RPA3: variants seen among roughly 807,000 people sequenced by gnomAD.
RPA3 encodes replication protein A3, also known as replication protein A 14 kDa subunit.
Under a neutral mutation model 13.7 loss-of-function variants are expected in RPA3, and 24 were observed. The ratio of observed to expected loss-of-function variants is 1.75; its 90% confidence interval spans 1.27 to 2.46. RPA3 has a LOEUF of 2.46. Ranked by LOEUF, RPA3 falls within the 30% of genes most tolerant of loss-of-function variation. The pLI, the probability that RPA3 is intolerant of heterozygous loss-of-function variation, is 0.00. For synonymous variants in RPA3, 59 were observed against 51.2 expected (o/e 1.15, Z -0.65); for missense variants, 183 against 151.0 (o/e 1.21, Z -1.11).
intron 4 of RPA3, chr7:7,673,485 T>TC: frequency 1.4e-6 from 1 of 724,206 alleles, no homozygotes; most frequent in Non-Finnish European, 2.5e-6. Context: ...AATAATTAGA[T>TC]GAATTATGTT....
intron 6 of RPA3, chr7:7,638,370 A>G (rs1012204974): frequency 1.9e-5 from 3 of 153,878 alleles, no homozygotes; most frequent in African/African-American, 7.2e-5. Context: ...AGTTTTAAGT[A>G]TGTTAAACAT....
intron 4 of RPA3, among the ~76,000 whole-genome samples, chr7:7,670,097 TA>T (rs1293288476): frequency 6.6e-6 from 1 of 152,258 alleles, no homozygotes; most frequent in Non-Finnish European, 1.5e-5. Flanking sequence ...TTACTTGTTA[TA>T]AATTCCATAC....
intron 2 of RPA3, among the ~76,000 whole-genome samples, chr7:7,695,971 G>A (rs1459945682): frequency 9.1e-5 from 13 of 142,762 alleles, no homozygotes; most frequent in Non-Finnish European, 1.7e-4. Flanking sequence ...ACCCTACTGT[G>A]TATATCTCCG....
chr7:7,639,174 A>C, intron 5 of RPA3, 30 bp from the exon 6 acceptor site: 122 of 1,551,966 alleles, frequency 7.9e-5, no homozygotes, highest in Non-Finnish European at 9.8e-5. Flanking sequence ...TTAAAATCTC[A>C]CTAAAACAAC....
At chr7:7,703,224 A>G (rs1200915593) in intron 2 of RPA3, among the ~76,000 whole-genome samples, 1 of 152,134 alleles carries the variant, frequency 6.6e-6, no homozygotes, top group Non-Finnish European at 1.5e-5. Flanking sequence ...TTTTTTGCTG[A>G]GATTTTAAAA....
chr7:7,673,896 TTAAGAC>T (rs1174383479), intron 4 of RPA3, among the ~76,000 whole-genome samples: 7 of 152,228 alleles, frequency 4.6e-5, no homozygotes, highest in African/African-American at 1.7e-4. Flanking sequence ...TGTTTCCTGT[TTAAGAC>T]TATTTTCTAT....
At chr7:7,654,408 A>C (rs1785295032) in intron 4 of RPA3, among the ~76,000 whole-genome samples, 1 of 152,242 alleles carries the variant, frequency 6.6e-6, no homozygotes, top group Admixed American at 6.5e-5. Context: ...GGATATGGGA[A>C]GTGATTCTGT....
rs542840511 is a variant in RPA3 at position 7,640,679 on chromosome 7, G to A, written c.-261C>T. 6.3e-6 allele frequency: 3 copies of A among 472,650 alleles called. No individual in the cohort carries two copies. The highest frequency in any genetic ancestry group is 4.0e-5 in the African/African-American group (2 of 50,222). The allele number at this position is 472,650 out of a possible 1,614,324, so 29.3% of individuals were successfully genotyped here. On this transcript the variant is annotated 5_prime_UTR_variant, in exon 5 of 8. Transcript: ENST00000223129. ...GGAAGTTGACAGATACAGGGCGAGA[G>A]GCAGTGGAGGCGGGACTTGGATAGG...
intron 4 of RPA3, among the ~76,000 whole-genome samples, chr7:7,674,787 C>G (rs1779698617): frequency 6.6e-6 from 1 of 152,122 alleles, no homozygotes; most frequent in Non-Finnish European, 1.5e-5. Flanking sequence ...ACTTTTTTCA[C>G]ACTTCTTGAA....
chr7:7,671,413 G>A (rs1337796393), intron 4 of RPA3, among the ~76,000 whole-genome samples: 4 of 152,122 alleles, frequency 2.6e-5, no homozygotes, highest in African/African-American at 9.7e-5. Context: ...TTTACTGAGT[G>A]CCACATTAGT....
At position 7,640,703 on chromosome 7, in the gene RPA3, G is replaced by T; in HGVS notation, c.-285C>A. On this transcript the variant is annotated 5_prime_UTR_variant, in exon 5 of 8. Transcript: ENST00000223129. ...AGGCAGTGGAGGCGGGACTTGGATA[G>T]GGGCGGAACCTGAGACTACCTTTCT... 1 of 412,072 alleles carries T rather than the reference G, an allele frequency of 2.4e-6. No individual in the cohort carries two copies. Among genetic ancestry groups the T allele is most frequent in the Admixed American group, 4.3e-5 (1 of 23,526 alleles). The allele number at this position is 412,072 out of a possible 1,614,324, so 25.5% of individuals were successfully genotyped here. A position where few individuals can be genotyped will look rare whatever the true frequency, so the allele number is the denominator to read the frequency against.
At chr7:7,674,684 C>T (rs1298185335) in intron 4 of RPA3, among the ~76,000 whole-genome samples, 1 of 152,162 alleles carries the variant, frequency 6.6e-6, no homozygotes, top group African/African-American at 2.4e-5. Flanking sequence ...TATGACCCTT[C>T]CTTCATAGTG....
chr7:7,695,004 A>G (rs1780274443), intron 2 of RPA3, among the ~76,000 whole-genome samples: 1 of 152,176 alleles, frequency 6.6e-6, no homozygotes, highest in Admixed American at 6.5e-5. Flanking sequence ...ATTCCCACCA[A>G]CAGTGTTTGA....
chr7:7,638,165 C>CATTTCATGTTGTTCTCG, intron 6 of RPA3, 193 bp from the exon 7 acceptor site: 1 of 462,484 alleles, frequency 2.2e-6, no homozygotes. Flanking sequence ...GTTAAAATTC[C>CATTTCATGTTGTTCTCG]TGCTACCTTT....
intron 4 of RPA3, among the ~76,000 whole-genome samples, chr7:7,678,064 C>G (rs542934616): frequency 6.6e-6 from 1 of 152,156 alleles, no homozygotes; most frequent in African/African-American, 2.4e-5. Flanking sequence ...ATGTGGACGT[C>G]TCTTTGATAT....
intron 4 of RPA3, among the ~76,000 whole-genome samples, chr7:7,654,140 A>C (rs28992773): frequency 0.062 from 9,493 of 152,324 alleles, 396 homozygotes; most frequent in Middle Eastern, 0.13. Flanking sequence ...AGGGCATTCA[A>C]TTAAAAAGAA....
intron 4 of RPA3, among the ~76,000 whole-genome samples, chr7:7,667,849 T>C (rs1427252955): frequency 1.3e-5 from 2 of 152,204 alleles, no homozygotes; most frequent in Admixed American, 1.3e-4. Context: ...TTGGTGCCAA[T>C]AGAATTTGGT....
intron 4 of RPA3, among the ~76,000 whole-genome samples, chr7:7,663,379 A>G (rs1006097685): frequency 3.3e-5 from 5 of 152,162 alleles, no homozygotes; most frequent in Non-Finnish European, 7.4e-5. Flanking sequence ...ATTAGTTTCC[A>G]AGCTGTTCTG....
intron 7 of RPA3, among the ~76,000 whole-genome samples, chr7:7,637,499 G>A (rs1206957469): frequency 1.3e-5 from 2 of 151,816 alleles, no homozygotes; most frequent in Non-Finnish European, 2.9e-5. Context: ...TTGCCTTTAC[G>A]ATCACAAAAT....
Sources: gnomAD v4.1 joint callset for allele counts (sites outside exome capture counted in the v4.1 genomes callset) on GRCh38, gnomAD v4.1.1 for gene constraint, MANE v1.5 for transcripts, NCBI Gene and HGNC (gene_info 2026-07-23, HGNC 2026-07-21) for gene names.